Variants in MON2 observed in about 807,000 individuals in gnomAD.
MON2 encodes MON2 regulator of endosome-to-Golgi trafficking.
In MON2, 84 loss-of-function variants were observed where a neutral mutation model predicts 208.6. The ratio of observed to expected loss-of-function variants is 0.40; its 90% CI spans 0.34 to 0.48. MON2 has a LOEUF of 0.48. Ranked by LOEUF, MON2 falls within the 20% of genes least tolerant of loss-of-function variation. The pLI is 0.59. For synonymous variants in MON2, 660 were observed against 694.0 expected (o/e 0.95, Z 0.77); for missense variants, 1,611 against 2,015.4 (o/e 0.80, Z 3.84).
chr12:62,576,526 C>T lies in MON2; in HGVS notation c.4515-1919C>T, dbSNP rs140999144. ...TCATACAGAGAGAACTGACAAAATA[C>T]AAATAACACTTTATAAGTTTGAAGG... On this transcript the variant is annotated intron_variant, in intron 30 of 34. Coordinates refer to ENST00000393630, the MANE Select transcript of MON2 (RefSeq NM_015026.3). Among the ~76,000 whole-genome samples, 8 of 151,862 alleles carry T rather than the reference C, an allele frequency of 5.3e-5. No individual in the cohort carries two copies. The East Asian group carries it at 1.5e-3, about 29-fold the overall frequency.
chr12:62,535,048 A>G (rs2136230226), intron 13 of MON2, 122 bp downstream of exon 13: 2 of 718,702 alleles, frequency 2.8e-6, no homozygotes, highest in Non-Finnish European at 4.6e-6. Context: ...TGTGTGAAAC[A>G]TTATTCTTTT....
At position 62,580,349 on chromosome 12, in the gene MON2, A is replaced by C; in HGVS notation, c.4628A>C (p.Lys1543Thr). 1 of 1,608,998 alleles carries C rather than the reference A, an allele frequency of 6.2e-7. No homozygotes were observed. The highest frequency in any genetic ancestry group is 8.5e-7 in the Non-Finnish European group (1 of 1,175,816). ...CTACCTTATGCCAATTTTATTCCTA[A>C]GGAATTTGTTGGTCAAATAATGACA... Reference protein sequence around the residue: ...EILPYANFIPKEFVGQIMTML... With the variant: ...EILPYANFIPTEFVGQIMTML... Residue 1543 changes from lysine to threonine, a missense_variant, in exon 32 of 35, where the codon AAG becomes ACG. Lys to Thr is a moderately conservative substitution (Grantham distance 78, BLOSUM62 -1). Coordinates refer to ENST00000393630, the MANE Select transcript of MON2 (RefSeq NM_015026.3).
chr12:62,549,282 C>T (rs960961089), intron 22 of MON2, among the ~76,000 whole-genome samples: 12 of 151,824 alleles, frequency 7.9e-5, no homozygotes, highest in African/African-American at 2.7e-4. Flanking sequence ...TAAAATTTTA[C>T]TTCAAATTAT....
chr12:62,514,819 C>G (rs188389010), intron 8 of MON2, among the ~76,000 whole-genome samples: 26 of 152,328 alleles, frequency 1.7e-4, no homozygotes, highest in Admixed American at 1.7e-3. Flanking sequence ...AAAATAGGCA[C>G]AGGACATGAA....
In MON2 at chr12:62,571,601, A is replaced by T; in HGVS notation, c.4514+19A>T. On this transcript the variant is annotated intron_variant, in intron 30 of 34. Transcript: ENST00000393630. ...CTAAAAGGTCAGCTCATTCATTTTT[A>T]AAATTAAGACAAGAAGTGGCACATT... is the stretch of plus-strand genomic sequence containing the variant. 1 of 1,580,278 alleles carries T rather than the reference A, an allele frequency of 6.3e-7. No individual in the cohort carries two copies. The highest frequency in any genetic ancestry group is 1.2e-5 in the South Asian group (1 of 86,376).
At chr12:62,483,609 G>A (rs1297578022) in intron 1 of MON2, among the ~76,000 whole-genome samples, 1 of 152,274 alleles carries the variant, frequency 6.6e-6, no homozygotes, top group East Asian at 1.9e-4. Flanking sequence ...CCAGCTACTT[G>A]GGAGGCTGAG....
chr12:62,592,240 T>G (rs1041503625), intron 34 of MON2, among the ~76,000 whole-genome samples: 1 of 152,216 alleles, frequency 6.6e-6, no homozygotes. Context: ...TCTTGAAATG[T>G]ACACTACATC....
intron 27 of MON2, 56 bp downstream of exon 27, chr12:62,565,436 ATAGT>A (rs1354493809): frequency 7.0e-7 from 1 of 1,427,550 alleles, no homozygotes; most frequent in Non-Finnish European, 9.6e-7. Context: ...ATAAATACAG[ATAGT>A]TCCACTTAAG....
rs540464016 is a variant in MON2, at chr12:62,529,585, T to G, written c.1401-2853T>G. Among the ~76,000 whole-genome samples the G allele has an allele frequency of 9.2e-5, 14 of 152,288 alleles. No individual in the cohort carries two copies. The East Asian group carries it at 2.7e-3, about 29-fold the overall frequency. On this transcript the variant is annotated intron_variant, in intron 11 of 34. Transcript: ENST00000393630. ...TGAGATAATTCATATCTCATGAAAT[T>G]CACCCATTTACAGTGTACAATTCAT...
At chr12:62,562,325 A>G (rs1351535484) in intron 26 of MON2, among the ~76,000 whole-genome samples, 1 of 151,938 alleles carries the variant, frequency 6.6e-6, no homozygotes, top group East Asian at 1.9e-4. Flanking sequence ...TCAGAAAAAA[A>G]TGTAAGTTTT....
rs2075529682 is a variant in MON2, at chr12:62,596,502, C to T, written c.*3753C>T. 6.6e-6 allele frequency: 1 copy of T among 152,148 alleles called. No individual in the cohort carries two copies. Among genetic ancestry groups the T allele is most frequent in the Non-Finnish European group, 1.5e-5 (1 of 68,024 alleles). The allele number at this position is 152,148 out of a possible 1,614,324, so 9.4% of individuals were successfully genotyped here. A position where few individuals can be genotyped will look rare whatever the true frequency, so the allele number is the denominator to read the frequency against. ...AGCATTGCCAGCAGCCAGGTATGTT[C>T]CTTAGATTTCCACTTAGGTTTGGCA... On this transcript the variant is annotated 3_prime_UTR_variant, in exon 35 of 35. Transcript: ENST00000393630.
Position 62,500,831 on chromosome 12 carries a change from C to A in MON2, c.614C>A (p.Ser205Tyr). ...VLVQGNSNRR[S>Y]VSTLKPCAKD... ...GTACAAGGAAATAGTAACAGAAGAT[C>A]TGTCAGTACCCTCAAACCTTGTGCT... Residue 205 changes from serine to tyrosine, a missense_variant, in exon 6 of 35, where the codon TCT becomes TAT. By Grantham distance (144) the Ser-to-Tyr change is moderately radical. Transcript: ENST00000393630. 6.3e-7 allele frequency: 1 copy of A among 1,594,924 alleles called. No individual in the cohort carries two copies. Among genetic ancestry groups the A allele is most frequent in the South Asian group, 1.1e-5 (1 of 87,046 alleles).
At chr12:62,495,671 C>T (rs1461085849) in intron 4 of MON2, among the ~76,000 whole-genome samples, 1 of 124,356 alleles carries the variant, frequency 8.0e-6, no homozygotes, top group African/African-American at 3.0e-5. Context: ...GCCTGGGCGA[C>T]AGAGTGAGAC....
At position 62,566,009 on chromosome 12, in the gene MON2, A is replaced by C. The variant is rs1244947275; in HGVS notation, c.4177-5A>C. On this transcript the variant is annotated splice_region_variant and splice_polypyrimidine_tract_variant and intron_variant, in intron 27 of 34. Coordinates refer to ENST00000393630, the MANE Select transcript of MON2 (RefSeq NM_015026.3). ...TTGTCTTGCAACACAATGGAATCAC[A>C]ATAGATCCAACTATTTGCACCGGTG... 1.2e-6 allele frequency: 2 copies of C among 1,610,452 alleles called. No individual in the cohort carries two copies. Among genetic ancestry groups the C allele is most frequent in the East Asian group, 4.5e-5 (2 of 44,754 alleles).
Position 62,560,756 on chromosome 12 carries a change from T to C in MON2, c.3675T>C (p.Ser1225=), listed in dbSNP as rs756248484. The change falls in exon 26 of 35, where the codon TCT becomes TCC. Residue 1225 remains serine (S), a synonymous_variant. Transcript: ENST00000393630. ...AAAAACTAGGAAGATATAGTAGCTC[T>C]GAGCCACCCATTGTTACTGATGAGC... ...IGEKLGRYSS[S]EPPIVTDELE... 4 of 1,614,166 alleles carry C rather than the reference T, an allele frequency of 2.5e-6. No individual in the cohort carries two copies. In the South Asian group the frequency reaches 4.4e-5, roughly 18 times the overall value.
rs1464667904 is a variant in MON2, at chr12:62,594,901, C to T, written c.*2152C>T. On this transcript the variant is annotated 3_prime_UTR_variant, in exon 35 of 35. Coordinates refer to ENST00000393630, the MANE Select transcript of MON2 (RefSeq NM_015026.3). ...TTTCCTCCAGAATATTTCCTGTCAC[C>T]CTCCAAGAGTCACTACAGTAATTGA... The T allele has an allele frequency of 1.3e-5, 2 of 152,108 alleles. No homozygotes were observed. Among genetic ancestry groups the T allele is most frequent in the Non-Finnish European group, 2.9e-5 (2 of 68,022 alleles). 9.4% of individuals were successfully genotyped at this position (152,108 alleles called of 1,614,324 possible).
At chr12:62,581,481 A>G (rs1349211216) in intron 32 of MON2, among the ~76,000 whole-genome samples, 1 of 152,160 alleles carries the variant, frequency 6.6e-6, no homozygotes. Context: ...TGAGCCCAGG[A>G]GGCCGAGGTG....
At chr12:62,492,359 G>GTTATT (rs1211044665) in intron 2 of MON2, among the ~76,000 whole-genome samples, 1 of 121,338 alleles carries the variant, frequency 8.2e-6, no homozygotes, top group African/African-American at 3.4e-5. Context: ...GATAGAGTTA[G>GTTATT]TTCTTTTTTT....
intron 15 of MON2, 110 bp from the exon 16 acceptor site, chr12:62,537,492 C>T: frequency 1.2e-6 from 1 of 838,456 alleles, no homozygotes; most frequent in Non-Finnish European, 1.8e-6. Context: ...AAATCTTTTT[C>T]TTAATTTTTT....
Sources: allele counts gnomAD v4.1 joint callset (sites outside exome capture counted in the v4.1 genomes callset), GRCh38; gene constraint gnomAD v4.1.1; transcripts MANE v1.5; gene names NCBI Gene and HGNC (gene_info 2026-07-23, HGNC 2026-07-21).